Variants in ZCCHC9 observed in about 807,000 individuals in gnomAD.
ZCCHC9 encodes the protein zinc finger CCHC-type containing 9, also known as zinc finger CCHC domain-containing protein 9.
In ZCCHC9, 18 loss-of-function variants were observed where a neutral mutation model predicts 30.8. The observed-to-expected ratio is 0.58, with a 90% CI of 0.40 to 0.87. The LOEUF is 0.87. Among genes scored for constraint, ZCCHC9 ranks in the 40% least tolerant of loss-of-function variants. The pLI, the probability that ZCCHC9 is intolerant of heterozygous loss-of-function variation, is 0.00. For missense variants in ZCCHC9, 279 were observed against 331.2 expected (o/e 0.84, Z 1.22); for synonymous variants, 94 against 106.7 (o/e 0.88, Z 0.73).
rs199792751 is a variant in ZCCHC9, at chr5:81,312,747, G to C, written c.*85G>C. 1.1e-5 allele frequency: 11 copies of C among 988,982 alleles called. 1 individual carries two copies. The East Asian group carries it at 2.2e-4, about 19-fold the overall frequency. 61.3% of individuals were successfully genotyped at this position (988,982 alleles called of 1,614,324 possible). ...TCACGAGTTAGAGTTGAGCTCCCCT[G>C]TAGCCAGGACTATGCTGTAGATATC... is the stretch of plus-strand genomic sequence containing the variant. On this transcript the variant is annotated 3_prime_UTR_variant, in exon 6 of 6. Coordinates refer to ENST00000407610, the MANE Select transcript of ZCCHC9 (RefSeq NM_001131035.2).
chr5:81,307,661 A>C (rs899514281), intron 2 of ZCCHC9, among the ~76,000 whole-genome samples: 1 of 150,634 alleles, frequency 6.6e-6, no homozygotes, highest in Non-Finnish European at 1.5e-5. Flanking sequence ...AAAAACAAAA[A>C]AGTATTTAGG....
intron 2 of ZCCHC9, among the ~76,000 whole-genome samples, chr5:81,306,411 G>GT (rs1438908043): frequency 6.6e-6 from 1 of 152,118 alleles, no homozygotes; most frequent in Admixed American, 6.5e-5. Context: ...ATTTCTGTTG[G>GT]TATCAGGATA....
At chr5:81,309,167 T>C (rs978664412) in intron 4 of ZCCHC9, 129 bp downstream of exon 4, 12 of 670,140 alleles carry the variant, frequency 1.8e-5, no homozygotes, top group Non-Finnish European at 2.6e-5. Flanking sequence ...TACATTATTT[T>C]TATCAAGTGC....
chr5:81,308,051 A>ATCTATCTG (rs1554049994), intron 2 of ZCCHC9, among the ~76,000 whole-genome samples: 142 of 142,964 alleles, frequency 9.9e-4, no homozygotes, highest in Non-Finnish European at 1.7e-3. Context: ...CTATCTATCT[A>ATCTATCTG]TCTATCTTAT....
Position 81,308,691 on chromosome 5 carries a change from C to T in ZCCHC9, c.515C>T (p.Ala172Val). ...GAGCACGAAATAACCAAGTGTAAGG[C>T]TAAAGTAGACCCGGCTCTTGGTATG... is the stretch of plus-strand genomic sequence containing the variant. ...STEHEITKCK[A>V]KVDPALGEFP... The change falls in exon 3 of 6, where the codon GCT (alanine) becomes GTT (valine). Residue 172 changes from alanine (A) to valine (V), a missense_variant. Coordinates refer to ENST00000407610, the MANE Select transcript of ZCCHC9 (RefSeq NM_001131035.2). The T allele has an allele frequency of 6.2e-7, 1 of 1,610,696 alleles. No individual in the cohort carries two copies. The highest frequency in any genetic ancestry group is 1.1e-5 in the South Asian group (1 of 90,304).
intron 1 of ZCCHC9, 27 bp from the exon 2 acceptor site, chr5:81,304,714 C>A (rs1489223471): frequency 2.0e-6 from 3 of 1,524,002 alleles, no homozygotes; most frequent in Admixed American, 2.3e-5. Flanking sequence ...TGGCTAACCA[C>A]CCATGCTTGT....
chr5:81,308,704 G>A lies in ZCCHC9; in HGVS notation c.528G>A (p.Pro176=), dbSNP rs775511292. The change falls in exon 3 of 6, where the codon CCG becomes CCA. Residue 176 remains proline (P), a synonymous_variant. Transcript: ENST00000407610. Reference sequence around the variant, plus strand: ...CCAAGTGTAAGGCTAAAGTAGACCCGGCTCTTGGTATGTGTTTCTTTCAGT... The same window carrying A: ...CCAAGTGTAAGGCTAAAGTAGACCCAGCTCTTGGTATGTGTTTCTTTCAGT... ...EITKCKAKVD[P]ALGEFPFAKC... 2.2e-5 allele frequency: 35 copies of A among 1,606,480 alleles called. 1 individual carries two copies. The Middle Eastern group carries it at 1.3e-3, about 61-fold the overall frequency.
chr5:81,307,585 G>A (rs1758114879), intron 2 of ZCCHC9, among the ~76,000 whole-genome samples: 1 of 151,364 alleles, frequency 6.6e-6, no homozygotes, highest in African/African-American at 2.4e-5. Context: ...CCTGGGAGAC[G>A]GAGGTTGCAG....
chr5:81,308,458 C>A, intron 2 of ZCCHC9, 103 bp from the exon 3 acceptor site: 1 of 1,346,718 alleles, frequency 7.4e-7, no homozygotes, highest in African/African-American at 1.5e-5. Context: ...AGAAAAATAG[C>A]TTAATAAGAT....
intron 4 of ZCCHC9, 122 bp downstream of exon 4, chr5:81,309,160 A>G: frequency 1.4e-6 from 1 of 713,344 alleles, no homozygotes; most frequent in African/African-American, 1.8e-5. Context: ...TGAGAATTAC[A>G]TTATTTTTAT....
chr5:81,306,805 GAAGGCAGTGAACT>G (rs1313986309), intron 2 of ZCCHC9, among the ~76,000 whole-genome samples: 3 of 152,190 alleles, frequency 2.0e-5, no homozygotes, highest in African/African-American at 7.2e-5. Flanking sequence ...TTTTAAAAGA[GAAGGCAGTGAACT>G]AAGGCAGTAG....
Position 81,304,983 on chromosome 5 carries a change from A to G in ZCCHC9, c.226A>G (p.Met76Val), listed in dbSNP as rs777145178. The change falls in exon 2 of 6, where the codon ATG (methionine) becomes GTG (valine). Residue 76 changes from methionine (M) to valine (V), a missense_variant. Met to Val is a conservative substitution (Grantham distance 21, BLOSUM62 1). Coordinates refer to ENST00000407610, the MANE Select transcript of ZCCHC9 (RefSeq NM_001131035.2). ...EYLNEDVNGF[M>V]EYLRQNSQMV... ...CTTAAATGAAGATGTGAATGGATTC[A>G]TGGAATACCTAAGACAGAATTCACA... The G allele has an allele frequency of 2.5e-6, 4 of 1,614,224 alleles. No individual in the cohort carries two copies. The highest frequency in any genetic ancestry group is 3.4e-6 in the Non-Finnish European group (4 of 1,180,038).
intron 1 of ZCCHC9, chr5:81,303,196 C>T (rs573708051): frequency 6.6e-5 from 10 of 152,328 alleles, no homozygotes; most frequent in African/African-American, 1.9e-4. Context: ...GAGTGCGCCA[C>T]CACGCCCAGC....
Position 81,304,736 on chromosome 5 carries a change from A to C in ZCCHC9, c.-17-5A>C. 6.5e-7 allele frequency: 1 copy of C among 1,539,326 alleles called. No individual in the cohort carries two copies. Among genetic ancestry groups the C allele is most frequent in the South Asian group, 1.3e-5 (1 of 79,538 alleles). Reference sequence around the variant, plus strand: ...CCACCCATGCTTGTCTTAAAAATTGATAAGGTACCACTGATGAAATTATGA... The same window carrying C: ...CCACCCATGCTTGTCTTAAAAATTGCTAAGGTACCACTGATGAAATTATGA... On this transcript the variant is annotated splice_polypyrimidine_tract_variant and splice_region_variant and intron_variant, in intron 1 of 5. Coordinates refer to ENST00000407610, the MANE Select transcript of ZCCHC9 (RefSeq NM_001131035.2).
Position 81,308,948 on chromosome 5 carries a change from G to A in ZCCHC9, c.538G>A (p.Glu180Lys), listed in dbSNP as rs376997863. Residue 180 changes from glutamate to lysine, a missense_variant and splice_region_variant, in exon 4 of 6, where the codon GAA becomes AAA. Physicochemically the swap from Glu to Lys is moderately conservative, Grantham distance 56. Transcript: ENST00000407610. ...CKAKVDPALGEFPFAKCFVCG... is the reference protein window; with the variant it reads ...CKAKVDPALGKFPFAKCFVCG... The stretch of plus-strand genomic sequence containing the variant: ...ATAGGAACTGTTGATTTTTACAGGC[G>A]AATTTCCTTTTGCAAAATGTTTTGT... 9.3e-6 allele frequency: 15 copies of A among 1,612,220 alleles called. No individual in the cohort carries two copies. The highest frequency in any genetic ancestry group is 8.4e-5 in the Admixed American group (5 of 59,642).
At chr5:81,309,290 A>G (rs982158482) in intron 4 of ZCCHC9, 2 of 354,300 alleles carry the variant, frequency 5.6e-6, no homozygotes, top group Admixed American at 4.3e-5. Context: ...TTGTGAGACT[A>G]TGTCATACAT....
rs2112868957 is a variant in ZCCHC9, at chr5:81,305,042, C to G, written c.285C>G (p.Asp95Glu). 1 of 1,613,972 alleles carries G rather than the reference C, an allele frequency of 6.2e-7. No individual in the cohort carries two copies. Among genetic ancestry groups the G allele is most frequent in the Non-Finnish European group, 8.5e-7 (1 of 1,180,008 alleles). Residue 95 changes from aspartate to glutamate, a missense_variant, in exon 2 of 6, where the codon GAC (aspartate) becomes GAG (glutamate). Physicochemically the swap from Asp to Glu is conservative, Grantham distance 45. Transcript: ENST00000407610. ...ACAATGGGCAAATTATAGCAACAGA[C>G]AGTGAGGAAGTAAGGGAAGAAATTG... ...MVHNGQIIAT[D>E]SEEVREEIAV...
intron 2 of ZCCHC9, 30 bp from the exon 3 acceptor site, chr5:81,308,531 A>G: frequency 6.3e-7 from 1 of 1,582,578 alleles, no homozygotes; most frequent in Non-Finnish European, 8.6e-7. Context: ...ATAGTTTTGC[A>G]GCGTGCCAAC....
At position 81,312,762 on chromosome 5, in the gene ZCCHC9, C is replaced by A; in HGVS notation, c.*100C>A. 1 of 818,458 alleles carries A rather than the reference C, an allele frequency of 1.2e-6. No individual in the cohort carries two copies. Among genetic ancestry groups the A allele is most frequent in the Non-Finnish European group, 2.0e-6 (1 of 498,936 alleles). The allele number at this position is 818,458 out of a possible 1,614,324, so 50.7% of individuals were successfully genotyped here. A position where few individuals can be genotyped will look rare whatever the true frequency, so the allele number is the denominator to read the frequency against. ...GAGCTCCCCTGTAGCCAGGACTATG[C>A]TGTAGATATCAGTATGATCTGGGTG... is the stretch of plus-strand genomic sequence containing the variant. On this transcript the variant is annotated 3_prime_UTR_variant, in exon 6 of 6. Transcript: ENST00000407610.
Sources: gnomAD v4.1 joint callset for allele counts (sites outside exome capture counted in the v4.1 genomes callset) on GRCh38, gnomAD v4.1.1 for gene constraint, MANE v1.5 for transcripts, NCBI Gene and HGNC (gene_info 2026-07-23, HGNC 2026-07-21) for gene names.